Variants in NR2E3 observed in about 807,000 individuals in gnomAD.
The protein encoded by NR2E3 is nuclear receptor subfamily 2 group E member 3.
NR2E3 carries 38 observed loss-of-function variants against 37.6 expected under a neutral mutation model. That is an observed-to-expected ratio of 1.01 (90% CI 0.78 to 1.33). The LOEUF (loss-of-function observed/expected upper bound fraction) is 1.33, where lower values mean the gene tolerates loss of function less well. Ranked by LOEUF, NR2E3 falls within the 40% of genes most tolerant of loss-of-function variation. The probability of loss-of-function intolerance (pLI) is 0.00; values close to 1 mark genes in which losing one functional copy is unlikely to be tolerated. For missense variants in NR2E3, 562 were observed against 558.7 expected (o/e 1.01, Z -0.06); for synonymous variants, 235 against 225.1 (o/e 1.04, Z -0.39).
Position 71,813,709 on chromosome 15 carries a change from AC to A in NR2E3, c.994+79del, listed in dbSNP as rs2054205726. 4 of 1,592,748 alleles carry A rather than the reference AC, an allele frequency of 2.5e-6. No homozygotes were observed. The highest frequency in any genetic ancestry group is 3.3e-4 in the Middle Eastern group (2 of 6,044). ...ATCTGCCTCTCACTCTCCCTCCACT[AC>A]CCCCATGTGTGCAGATGTGTGTAGG... is the stretch of plus-strand genomic sequence containing the variant. On this transcript the variant is annotated intron_variant, in intron 6 of 7. Coordinates refer to ENST00000617575, the MANE Select transcript of NR2E3 (RefSeq NM_014249.4). This position sits in a 1 kb window ranked among gnomAD's most constrained non-coding sequence, Gnocchi z 4.7.
Position 71,811,036 on chromosome 15 carries a change from C to T in NR2E3, c.118+175C>T, listed in dbSNP as rs939139648. Reference sequence around the variant, plus strand: ...CCAGAATCCTAGAAACACGGTGGGGCGGGGATGGGGGTTGGGGGCGGGCAG... The same window carrying T: ...CCAGAATCCTAGAAACACGGTGGGGTGGGGATGGGGGTTGGGGGCGGGCAG... On this transcript the variant is annotated intron_variant, in intron 1 of 7. Transcript: ENST00000617575. This position sits in a 1 kb window ranked among gnomAD's most constrained non-coding sequence, Gnocchi z 5.6. Among the ~76,000 whole-genome samples, 2 of 141,810 alleles carry T rather than the reference C, an allele frequency of 1.4e-5. No individual in the cohort carries two copies. Among genetic ancestry groups the T allele is most frequent in the South Asian group, 2.6e-4 (1 of 3,854 alleles). The allele number at this position is 141,810 out of a possible 152,430, so 93.0% of individuals were successfully genotyped here. A position where few individuals can be genotyped will look rare whatever the true frequency, so the allele number is the denominator to read the frequency against.
chr15:71,814,180 C>T, intron 7 of NR2E3, 63 bp downstream of exon 7: 1 of 1,546,152 alleles, frequency 6.5e-7, no homozygotes, highest in Non-Finnish European at 8.7e-7. Flanking sequence ...TCTGCCTCTC[C>T]CACACTCTCC....
intron 1 of NR2E3, 110 bp downstream of exon 1, chr15:71,810,971 C>T (rs921229874): frequency 6.2e-5 from 74 of 1,199,260 alleles, no homozygotes; most frequent in African/African-American, 3.5e-4. Flanking sequence ...GACCCAGCCC[C>T]GCCGGCTGTG....
At position 71,817,588 on chromosome 15, in the gene NR2E3, G is replaced by T. The variant is rs779792987; in HGVS notation, c.1137G>T (p.Arg379Ser). 1 of 1,603,930 alleles carries T rather than the reference G, an allele frequency of 6.2e-7. No individual in the cohort carries two copies. The highest frequency in any genetic ancestry group is 1.1e-5 in the South Asian group (1 of 90,452). The change falls in exon 8 of 8, where the codon AGG becomes AGT. Residue 379 changes from arginine (R) to serine (S), a missense_variant. Transcript: ENST00000617575. ...TGCTCCTGCTCCTCCCGTCTTTGAGGTTTATCACTGCGGAACGCATCGAGC... is the reference window on the plus strand; with the variant it reads ...TGCTCCTGCTCCTCCCGTCTTTGAGTTTTATCACTGCGGAACGCATCGAGC... Reference protein sequence around the residue: ...GKLLLLLPSLRFITAERIELL... With the variant: ...GKLLLLLPSLSFITAERIELL...
chr15:71,814,282 AGTG>A, intron 7 of NR2E3, 165 bp downstream of exon 7: 1 of 1,415,914 alleles, frequency 7.1e-7, no homozygotes, highest in African/African-American at 1.4e-5. Flanking sequence ...AGGCCCCGGG[AGTG>A]GGGACCAAGA....
Position 71,814,129 on chromosome 15 carries a change from A to G in NR2E3, c.1100+12A>G, listed in dbSNP as rs1260514946. The G allele has an allele frequency of 2.5e-6, 4 of 1,606,920 alleles. No individual in the cohort carries two copies. Among genetic ancestry groups the G allele is most frequent in the Non-Finnish European group, 3.4e-6 (4 of 1,179,116 alleles). On this transcript the variant is annotated intron_variant, in intron 7 of 7. Transcript: ENST00000617575. ...AGCCAGCCCGTGAGGTGACCTGAGC[A>G]TGCGCCCACCCACTCATCTGTCCCT...
rs375364175 is a variant in NR2E3, at chr15:71,813,543, G to A, written c.902G>A (p.Arg301His). The change falls in exon 6 of 8, where the codon CGT (arginine) becomes CAT (histidine). Residue 301 changes from arginine (R) to histidine (H), a missense_variant. Physicochemically the swap from Arg to His is conservative, Grantham distance 29. Transcript: ENST00000617575. The surrounding 1 kb of genome is among the most constrained non-coding windows in gnomAD (Gnocchi z 4.7). ...GRLTLASMETRVLQETISRFR... is the reference protein window; with the variant it reads ...GRLTLASMETHVLQETISRFR... The stretch of plus-strand genomic sequence containing the variant: ...CTCACGCTGGCCAGCATGGAGACGC[G>A]TGTCCTGCAGGAAACTATCTCTCGG... 219 of 1,613,804 alleles carry A rather than the reference G, an allele frequency of 1.4e-4. 1 individual carries two copies. The highest frequency in any genetic ancestry group is 3.3e-4 in the Middle Eastern group (2 of 6,062).
chr15:71,812,112 G>A lies in NR2E3; in HGVS notation c.507G>A (p.Leu169=). 6.4e-7 allele frequency: 1 copy of A among 1,557,602 alleles called. No homozygotes were observed. Among genetic ancestry groups the A allele is most frequent in the East Asian group, 2.4e-5 (1 of 41,374 alleles). Residue 169 remains leucine, a synonymous_variant, in exon 4 of 8, where the codon CTG becomes CTA. Coordinates refer to ENST00000617575, the MANE Select transcript of NR2E3 (RefSeq NM_014249.4). ...CACCCATGTCTGCAGCCAGAGCCCTGGGCCACCACTTCATGGCCAGCCTTA... is the reference window on the plus strand; with the variant it reads ...CACCCATGTCTGCAGCCAGAGCCCTAGGCCACCACTTCATGGCCAGCCTTA... ...GPTPMSAARA[L]GHHFMASLIT...
chr15:71,813,892 A>G lies in NR2E3; in HGVS notation c.995-120A>G, dbSNP rs2054206811. 6.5e-7 allele frequency: 1 copy of G among 1,531,440 alleles called. No individual in the cohort carries two copies. Among genetic ancestry groups the G allele is most frequent in the South Asian group, 1.2e-5 (1 of 82,288 alleles). 94.9% of individuals were successfully genotyped at this position (1,531,440 alleles called of 1,614,324 possible). ...CTGGTGGCTCCTCTGGGCCTGGCAG[A>G]GCCCACCCCACAGGGCCCCAGGTCC... On this transcript the variant is annotated intron_variant, in intron 6 of 7. Transcript: ENST00000617575. The surrounding 1 kb of genome is among the most constrained non-coding windows in gnomAD (Gnocchi z 4.7).
Position 71,814,147 on chromosome 15 carries a change from C to G in NR2E3, c.1100+30C>G, listed in dbSNP as rs553866606. The G allele has an allele frequency of 3.7e-5, 59 of 1,597,838 alleles. 1 individual carries two copies. The South Asian group carries it at 6.1e-4, about 16-fold the overall frequency. On this transcript the variant is annotated intron_variant, in intron 7 of 7. Transcript: ENST00000617575. ...CCTGAGCATGCGCCCACCCACTCATCTGTCCCTGACCTCTAACCTTTCTCT... is the reference window on the plus strand; with the variant it reads ...CCTGAGCATGCGCCCACCCACTCATGTGTCCCTGACCTCTAACCTTTCTCT...
At chr15:71,810,997 G>T in intron 1 of NR2E3, 136 bp downstream of exon 1, 1 of 945,666 alleles carries the variant, frequency 1.1e-6, no homozygotes, top group Non-Finnish European at 1.5e-6. Context: ...GGGTGGGGTA[G>T]CCTGTGGGTA....
At position 71,813,768 on chromosome 15, in the gene NR2E3, AG is replaced by A; in HGVS notation, c.994+135del. 1 of 1,484,204 alleles carries A rather than the reference AG, an allele frequency of 6.7e-7. No homozygotes were observed. 91.9% of individuals were successfully genotyped at this position (1,484,204 alleles called of 1,614,324 possible). A position where few individuals can be genotyped will look rare whatever the true frequency, so the allele number is the denominator to read the frequency against. On this transcript the variant is annotated intron_variant, in intron 6 of 7. Coordinates refer to ENST00000617575, the MANE Select transcript of NR2E3 (RefSeq NM_014249.4). This position sits in a 1 kb window ranked among gnomAD's most constrained non-coding sequence, Gnocchi z 4.7. ...CCTGGGGGGTGGGAGGAGAGTGGTG[AG>A]GCTGGACTCCCTTCTCCTTGGGGCC... is the stretch of plus-strand genomic sequence containing the variant.
In NR2E3 at chr15:71,811,078, AG is replaced by A. The variant is rs1478258268; in HGVS notation, c.118+219del. Among the ~76,000 whole-genome samples the A allele has an allele frequency of 6.6e-6, 1 of 152,044 alleles. No individual in the cohort carries two copies. Among genetic ancestry groups the A allele is most frequent in the Non-Finnish European group, 1.5e-5 (1 of 67,970 alleles). The stretch of plus-strand genomic sequence containing the variant: ...GGCGGGCAGGCTGCAGAGCCAGGAC[AG>A]GACAGCCTAGCCGATGGGGAAGGAA... On this transcript the variant is annotated intron_variant, in intron 1 of 7. Coordinates refer to ENST00000617575, the MANE Select transcript of NR2E3 (RefSeq NM_014249.4). The surrounding 1 kb of genome is among the most constrained non-coding windows in gnomAD (Gnocchi z 5.6).
chr15:71,811,509 G>C lies in NR2E3; in HGVS notation c.145G>C (p.Val49Leu), dbSNP rs890956501. 4 of 1,567,382 alleles carry C rather than the reference G, an allele frequency of 2.6e-6. No homozygotes were observed. Among genetic ancestry groups the C allele is most frequent in the South Asian group, 1.2e-5 (1 of 85,144 alleles). Residue 49 changes from valine to leucine, a missense_variant, in exon 2 of 8, where the codon GTG (valine) becomes CTG (leucine). Val to Leu is a conservative substitution (Grantham distance 32, BLOSUM62 1). Transcript: ENST00000617575. The surrounding 1 kb of genome is among the most constrained non-coding windows in gnomAD (Gnocchi z 5.6). Reference protein sequence around the residue: ...TGVSPSLQCRVCGDSSSGKHY... With the variant: ...TGVSPSLQCRLCGDSSSGKHY... The stretch of plus-strand genomic sequence containing the variant: ...CGTGAGCCCCTCGCTCCAGTGCCGC[G>C]TGTGCGGAGACAGCAGCAGCGGGAA...
At position 71,811,669 on chromosome 15, in the gene NR2E3, G is replaced by A. The variant is rs2054182152; in HGVS notation, c.245+60G>A. The A allele has an allele frequency of 2.5e-6, 4 of 1,574,214 alleles. No individual in the cohort carries two copies. Among genetic ancestry groups the A allele is most frequent in the Non-Finnish European group, 2.6e-6 (3 of 1,159,232 alleles). On this transcript the variant is annotated intron_variant, in intron 2 of 7. Coordinates refer to ENST00000617575, the MANE Select transcript of NR2E3 (RefSeq NM_014249.4). The surrounding 1 kb of genome is among the most constrained non-coding windows in gnomAD (Gnocchi z 5.6). ...TGAGGGGTTCTGGAGGGGTGAGGGG[G>A]TGCTCAGGGGAAGAGGGGCTTGGGC...
intron 1 of NR2E3, 101 bp downstream of exon 1, chr15:71,810,962 A>C (rs1595955525): frequency 8.2e-7 from 1 of 1,213,516 alleles, no homozygotes; most frequent in Admixed American, 3.1e-5. Flanking sequence ...AACAACTCAG[A>C]CCCAGCCCCG....
intron 7 of NR2E3, chr15:71,814,552 C>G (rs1436414998): frequency 2.0e-5 from 19 of 970,558 alleles, no homozygotes; most frequent in Non-Finnish European, 2.3e-5. Context: ...AGAACAGGAG[C>G]CCACTTTGAA....
intron 7 of NR2E3, among the ~76,000 whole-genome samples, chr15:71,816,257 CTTTTT>C (rs59789846): frequency 8.2e-6 from 1 of 121,990 alleles, no homozygotes. Flanking sequence ...TTAGCAAATA[CTTTTT>C]TTTTTTTTTT....
rs760968362 is a variant in NR2E3, at chr15:71,812,134, C to A, written c.529C>A (p.Leu177Ile). 2.4e-5 allele frequency: 38 copies of A among 1,563,178 alleles called. No homozygotes were observed. In the African/African-American group the frequency reaches 4.8e-4, roughly 20 times the overall value. Residue 177 changes from leucine to isoleucine, a missense_variant, in exon 4 of 8, where the codon CTT (leucine) becomes ATT (isoleucine). By Grantham distance (5) the Leu-to-Ile change is conservative (BLOSUM62 2). Coordinates refer to ENST00000617575, the MANE Select transcript of NR2E3 (RefSeq NM_014249.4). ...CCTGGGCCACCACTTCATGGCCAGC[C>A]TTATAACAGCTGAAACCTGTGCTAA... ...RALGHHFMAS[L>I]ITAETCAKLE...
Sources: allele counts gnomAD v4.1 joint callset (sites outside exome capture counted in the v4.1 genomes callset), GRCh38; gene constraint gnomAD v4.1.1; non-coding constraint Gnocchi (gnomAD v3.1); transcripts MANE v1.5; gene names NCBI Gene and HGNC (gene_info 2026-07-23, HGNC 2026-07-21).